The following ADAMTSL1 variants were observed in gnomAD, a reference collection of about 807,000 sequenced individuals.
ADAMTSL1 encodes the protein ADAMTS-like protein 1.
A neutral mutation model predicts 201.8 loss-of-function variants in ADAMTSL1; 126 were observed. The ratio of observed to expected loss-of-function variants is 0.62; its 90% confidence interval spans 0.54 to 0.72. The LOEUF is 0.72. ADAMTSL1 is among the 30% of genes least tolerant of loss of function. ADAMTSL1 has a pLI of 0.00. For synonymous variants in ADAMTSL1, 1,121 were observed against 903.4 expected (o/e 1.24, Z -4.32); for missense variants, 2,679 against 2,277.8 (o/e 1.18, Z -3.59).
intron 7 of ADAMTSL1, among the ~76,000 whole-genome samples, chr9:18,652,663 C>T (rs1263033984): frequency 2.0e-5 from 3 of 152,142 alleles, no homozygotes; most frequent in African/African-American, 7.2e-5. Context: ...TAGCCCAGCA[C>T]ATTTAAGGTA....
chr9:18,084,179 A>G (rs1440736240), intron 1 of ADAMTSL1, among the ~76,000 whole-genome samples: 2 of 152,194 alleles, frequency 1.3e-5, no homozygotes, highest in Non-Finnish European at 2.9e-5. Flanking sequence ...ACTGCTTTCC[A>G]TACAGATTAG....
At chr9:18,680,622 G>C in intron 11 of ADAMTSL1, 106 bp downstream of exon 11, 1 of 1,244,700 alleles carries the variant, frequency 8.0e-7, no homozygotes, top group Non-Finnish European at 1.1e-6. Context: ...TCTTCTTGAG[G>C]TGTCTAGAAG....
chr9:18,387,902 C>T (rs1456261768), intron 2 of ADAMTSL1, among the ~76,000 whole-genome samples: 1 of 145,328 alleles, frequency 6.9e-6, no homozygotes, highest in African/African-American at 2.4e-5. Context: ...TTCTCAATTT[C>T]TTCTAATAGG....
chr9:18,650,915 C>T (rs144762092), intron 7 of ADAMTSL1, among the ~76,000 whole-genome samples: 2 of 152,306 alleles, frequency 1.3e-5, no homozygotes, highest in African/African-American at 2.4e-5. Context: ...ATACTCCCTA[C>T]TCTTGAAGGA....
At chr9:18,517,261 A>T (rs1412540033) in intron 2 of ADAMTSL1, among the ~76,000 whole-genome samples, 1 of 152,008 alleles carries the variant, frequency 6.6e-6, no homozygotes, top group African/African-American at 2.4e-5. Flanking sequence ...CCCCACCCCT[A>T]GCCATCTTTC....
chr9:18,602,223 C>G (rs1356435124), intron 4 of ADAMTSL1, among the ~76,000 whole-genome samples: 1 of 152,136 alleles, frequency 6.6e-6, no homozygotes, highest in Non-Finnish European at 1.5e-5. Flanking sequence ...ATTTGTTAGG[C>G]TGGGAGTGCT....
At chr9:18,086,474 G>A (rs919056922) in intron 1 of ADAMTSL1, among the ~76,000 whole-genome samples, 4 of 151,690 alleles carry the variant, frequency 2.6e-5, no homozygotes, top group African/African-American at 9.7e-5. Context: ...TCCTAAATCT[G>A]CTTTAAAGTT....
chr9:18,174,964 T>G (rs1239847073), intron 2 of ADAMTSL1, among the ~76,000 whole-genome samples: 2 of 152,358 alleles, frequency 1.3e-5, no homozygotes, highest in East Asian at 1.9e-4. Context: ...AGAAAATGAA[T>G]ATTAAAAGAA....
intron 2 of ADAMTSL1, among the ~76,000 whole-genome samples, chr9:18,393,503 G>T (rs1483228216): frequency 6.6e-6 from 1 of 152,176 alleles, no homozygotes; most frequent in Non-Finnish European, 1.5e-5. Flanking sequence ...GAGAATGTCT[G>T]AGTCATAGTT....
intron 1 of ADAMTSL1, among the ~76,000 whole-genome samples, chr9:17,945,103 T>A (rs1827403235): frequency 2.1e-5 from 2 of 94,926 alleles, no homozygotes; most frequent in Non-Finnish European, 4.2e-5. Context: ...TACAATGAAC[T>A]CAAACAAATT....
intron 16 of ADAMTSL1, among the ~76,000 whole-genome samples, chr9:18,757,803 C>A (rs1384196306): frequency 1.3e-5 from 2 of 152,182 alleles, no homozygotes; most frequent in African/African-American, 2.4e-5. Flanking sequence ...AAGTCTCAGA[C>A]CCCATAACTC....
At chr9:18,456,165 T>C (rs1028018744) in intron 2 of ADAMTSL1, among the ~76,000 whole-genome samples, 2 of 152,300 alleles carry the variant, frequency 1.3e-5, no homozygotes, top group South Asian at 4.1e-4. Context: ...TTATTAATCA[T>C]CTTCATTGAC....
intron 2 of ADAMTSL1, among the ~76,000 whole-genome samples, chr9:18,392,599 T>G (rs1417042): frequency 1.3e-5 from 2 of 152,118 alleles, no homozygotes; most frequent in African/African-American, 4.8e-5. Context: ...CTGGACATCC[T>G]TTCCAGGCTA....
intron 23 of ADAMTSL1, among the ~76,000 whole-genome samples, chr9:18,854,609 G>T (rs1160102396): frequency 6.6e-6 from 1 of 152,162 alleles, no homozygotes; most frequent in African/African-American, 2.4e-5. Context: ...GGATGCTAGA[G>T]ATGTCGGTAG....
At chr9:18,463,762 G>A (rs1242137454) in intron 2 of ADAMTSL1, among the ~76,000 whole-genome samples, 1 of 152,158 alleles carries the variant, frequency 6.6e-6, no homozygotes, top group Admixed American at 6.5e-5. Context: ...TGTCAATAAA[G>A]ACTTGGGTTG....
intron 1 of ADAMTSL1, among the ~76,000 whole-genome samples, chr9:17,986,557 C>G (rs1818938209): frequency 6.6e-6 from 1 of 152,036 alleles, no homozygotes; most frequent in Admixed American, 6.6e-5. Context: ...ACCTGCATTT[C>G]TCAAAGGTAA....
intron 1 of ADAMTSL1, among the ~76,000 whole-genome samples, chr9:18,148,148 C>G (rs892900461): frequency 3.3e-5 from 5 of 151,826 alleles, no homozygotes; most frequent in Admixed American, 6.6e-5. Context: ...ACAACAAAAA[C>G]CTGACAAACT....
intron 3 of ADAMTSL1, among the ~76,000 whole-genome samples, chr9:18,552,843 A>T (rs1306759695): frequency 2.0e-5 from 3 of 151,544 alleles, no homozygotes; most frequent in African/African-American, 4.8e-5. Flanking sequence ...TTCACCTTTC[A>T]TTTGATTAGA....
intron 1 of ADAMTSL1, among the ~76,000 whole-genome samples, chr9:18,052,635 T>C (rs1203553113): frequency 6.6e-6 from 1 of 152,090 alleles, no homozygotes; most frequent in Non-Finnish European, 1.5e-5. Context: ...CCCCTAACAG[T>C]GTTGTCCTGA....
Sources: allele counts gnomAD v4.1 joint callset (sites outside exome capture counted in the v4.1 genomes callset), GRCh38; gene constraint gnomAD v4.1.1; transcripts MANE v1.5; gene names NCBI Gene and HGNC (gene_info 2026-07-23, HGNC 2026-07-21).